Variants in FARS2 observed in about 807,000 individuals in gnomAD.
FARS2 encodes phenylalanine--tRNA ligase, mitochondrial.
A neutral mutation model predicts 46.4 loss-of-function variants in FARS2; 40 were observed. That is an observed-to-expected ratio of 0.86 (90% CI 0.67 to 1.12). FARS2 has a LOEUF of 1.12. FARS2 is among the 50% of genes most tolerant of loss of function. The pLI is 0.00. For missense variants in FARS2, 513 were observed against 567.9 expected, an observed-to-expected ratio of 0.90 and a Z score of 0.98; for synonymous variants, 234 against 214.9, an observed-to-expected ratio of 1.09 and a Z score of -0.78.
rs999742284 is a variant in FARS2 at position 5,401,223 on chromosome 6, C to A, written c.613-3319C>A. ...TATTGTGGTGTTATATATGTCATAA[C>A]ATGTTACATTTTATTTCTCTACAAT... On this transcript the variant is annotated intron_variant, in intron 2 of 6. Transcript: ENST00000274680. Among the ~76,000 whole-genome samples, 3 of 151,972 alleles carry A rather than the reference C, an allele frequency of 2.0e-5. No homozygotes were observed. The East Asian group carries it at 5.8e-4, about 29-fold the overall frequency.
the FARS2 span, among the ~76,000 whole-genome samples, chr6:5,252,750 T>G: frequency 6.6e-6 from 1 of 152,208 alleles, no homozygotes; most frequent in Admixed American, 6.5e-5. Context: ...TGGCTGTGAC[T>G]GCCCTTCTTC....
At chr6:5,413,680 C>T (rs1487978663) in intron 3 of FARS2, among the ~76,000 whole-genome samples, 2 of 152,176 alleles carry the variant, frequency 1.3e-5, no homozygotes, top group Non-Finnish European at 2.9e-5. Flanking sequence ...TTGCACTGGA[C>T]ACTTGATGAA....
In FARS2 at chr6:5,654,859, C is replaced by T. The variant is rs535775343; in HGVS notation, c.1217+41539C>T. On this transcript the variant is annotated intron_variant, in intron 6 of 6. Transcript: ENST00000274680. ...TCCTCTTCCTCCTCCTCCTCCTTCT[C>T]AGCCTACTCAATGTGAAGATGACAA... Among the ~76,000 whole-genome samples, 34 of 152,326 alleles carry T rather than the reference C, an allele frequency of 2.2e-4. 1 individual carries two copies. The South Asian group carries it at 4.1e-3, about 19-fold the overall frequency.
At chr6:5,631,371 T>G (rs1156523586) in intron 6 of FARS2, among the ~76,000 whole-genome samples, 1 of 152,202 alleles carries the variant, frequency 6.6e-6, no homozygotes, top group Admixed American at 6.5e-5. Flanking sequence ...TCAAGACAAC[T>G]AGTCTGAATG....
chr6:5,366,396 G>A (rs959129675), intron 1 of FARS2, among the ~76,000 whole-genome samples: 2 of 152,150 alleles, frequency 1.3e-5, no homozygotes, highest in African/African-American at 4.8e-5. Context: ...AGAAGGAAAG[G>A]AAGTCACTTC....
intron 4 of FARS2, among the ~76,000 whole-genome samples, chr6:5,480,090 G>A (rs535076230): frequency 2.1e-4 from 32 of 152,354 alleles, no homozygotes; most frequent in African/African-American, 6.7e-4. Context: ...TCTGGTTCAC[G>A]ATTTTTATCA....
intron 1 of FARS2, among the ~76,000 whole-genome samples, chr6:5,306,321 G>A (rs890880030): frequency 1.3e-5 from 2 of 152,200 alleles, no homozygotes; most frequent in Admixed American, 6.5e-5. Context: ...CGAATGAAAT[G>A]ACTGAGGAGA....
At chr6:5,374,507 A>G (rs540875975) in intron 2 of FARS2, among the ~76,000 whole-genome samples, 2 of 152,230 alleles carry the variant, frequency 1.3e-5, no homozygotes, top group Admixed American at 6.5e-5. Context: ...TCAGCCTCAG[A>G]TGATTTTACA....
At chr6:5,353,411 C>T (rs1581859554) in intron 1 of FARS2, among the ~76,000 whole-genome samples, 1 of 152,262 alleles carries the variant, frequency 6.6e-6, no homozygotes, top group African/African-American at 2.4e-5. Flanking sequence ...CTTTTGGGTG[C>T]ATACTCCATA....
intron 6 of FARS2, among the ~76,000 whole-genome samples, chr6:5,690,587 C>T (rs1418531839): frequency 6.6e-6 from 1 of 151,436 alleles, no homozygotes; most frequent in Non-Finnish European, 1.5e-5. Flanking sequence ...TGATGGGCTT[C>T]CCTTTGTGGG....
At chr6:5,531,999 A>T (rs1022437409) in intron 4 of FARS2, among the ~76,000 whole-genome samples, 6 of 152,170 alleles carry the variant, frequency 3.9e-5, no homozygotes, top group Admixed American at 6.5e-5. Flanking sequence ...CCATCAGTTC[A>T]CTCAGTAGGT....
chr6:5,591,917 T>C (rs1773939981), intron 5 of FARS2, among the ~76,000 whole-genome samples: 1 of 152,234 alleles, frequency 6.6e-6, no homozygotes, highest in African/African-American at 2.4e-5. Context: ...ATCTTACTAA[T>C]CTTGTGTGCC....
At chr6:5,749,836 C>A (rs1487387644) in intron 6 of FARS2, among the ~76,000 whole-genome samples, 2 of 152,188 alleles carry the variant, frequency 1.3e-5, no homozygotes, top group Admixed American at 1.3e-4. Flanking sequence ...AATGAGAGAA[C>A]ATGAAGCAAT....
At chr6:5,609,607 T>G in intron 5 of FARS2, 1 of 1,245,200 alleles carries the variant, frequency 8.0e-7, no homozygotes, top group East Asian at 2.3e-5. Context: ...CCACTTCACC[T>G]CTTTGGCTGA....
chr6:5,628,356 C>T (rs1561763692), intron 6 of FARS2, among the ~76,000 whole-genome samples: 2 of 152,188 alleles, frequency 1.3e-5, no homozygotes, highest in Admixed American at 1.3e-4. Flanking sequence ...GTGTAATTTC[C>T]AAACCACTCT....
At chr6:5,282,828 T>C (rs1185185250) in intron 1 of FARS2, among the ~76,000 whole-genome samples, 1 of 152,084 alleles carries the variant, frequency 6.6e-6, no homozygotes, top group Non-Finnish European at 1.5e-5. Context: ...TCCATTGTGA[T>C]GAGGGTGGAA....
At chr6:5,378,116 C>T (rs373381835) in intron 2 of FARS2, among the ~76,000 whole-genome samples, 65 of 152,246 alleles carry the variant, frequency 4.3e-4, no homozygotes, top group Non-Finnish European at 7.2e-4. Context: ...ACTGGAATGG[C>T]CCTTCATCAA....
chr6:5,534,325 T>A (rs768998877), intron 4 of FARS2, among the ~76,000 whole-genome samples: 3 of 152,220 alleles, frequency 2.0e-5, no homozygotes, highest in Non-Finnish European at 4.4e-5. Context: ...AAGTGTACAA[T>A]TCAGTGGCAT....
chr6:5,431,293 C>A (rs1456311069), intron 4 of FARS2, 121 bp downstream of exon 4: 2 of 975,718 alleles, frequency 2.0e-6, no homozygotes, highest in Non-Finnish European at 3.1e-6. Flanking sequence ...CATCACTGGT[C>A]TCTCTTCAGA....
Sources: gnomAD v4.1 joint callset for allele counts (sites outside exome capture counted in the v4.1 genomes callset) on GRCh38, gnomAD v4.1.1 for gene constraint, MANE v1.5 for transcripts, NCBI Gene and HGNC (gene_info 2026-07-23, HGNC 2026-07-21) for gene names.